The following RWDD1 variants were observed in gnomAD, a reference collection of about 807,000 sequenced individuals.
RWDD1 encodes RWD domain-containing protein 1.
RWDD1 carries 17 observed loss-of-function variants against 31.6 expected under a neutral mutation model. The ratio of observed to expected loss-of-function variants is 0.54; its 90% CI spans 0.37 to 0.81. The LOEUF is 0.81. Ranked by LOEUF, RWDD1 falls within the 30% of genes least tolerant of loss-of-function variation. The probability of loss-of-function intolerance (pLI) is 0.00; values close to 1 mark genes in which losing one functional copy is unlikely to be tolerated. For synonymous variants in RWDD1, 78 were observed against 94.2 expected (o/e 0.83, Z 0.99); for missense variants, 204 against 274.5 (o/e 0.74, Z 1.82).
At chr6:116,589,247 A>G (rs1011354031) in intron 4 of RWDD1, among the ~76,000 whole-genome samples, 1 of 152,204 alleles carries the variant, frequency 6.6e-6, no homozygotes, top group Non-Finnish European at 1.5e-5. Flanking sequence ...CACCTATGAT[A>G]TAGAGCCAGG....
Position 116,571,628 on chromosome 6 carries a change from G to A in RWDD1, c.46G>A (p.Glu16Lys), listed in dbSNP as rs779143527. The A allele has an allele frequency of 1.5e-5, 25 of 1,613,718 alleles. No individual in the cohort carries two copies. Among genetic ancestry groups the A allele is most frequent in the Non-Finnish European group, 2.1e-5 (25 of 1,179,922 alleles). The change falls in exon 1 of 7, where the codon GAG becomes AAG. Residue 16 changes from glutamate to lysine, a missense_variant. Glu to Lys is a moderately conservative substitution (Grantham distance 56). Transcript: ENST00000466444. ...EEQRNELEAL[E>K]SIYPDSFTVL... ...GCAGCGCAACGAGCTGGAGGCCCTG[G>A]AGTCCATCTACCCTGACTCCTTCAC...
intron 5 of RWDD1, among the ~76,000 whole-genome samples, 175 bp downstream of exon 5, chr6:116,590,579 T>G (rs527318834): frequency 3.2e-4 from 49 of 152,302 alleles, no homozygotes; most frequent in African/African-American, 1.2e-3. Context: ...TGTAATTAAT[T>G]TTTATGGCTT....
intron 1 of RWDD1, among the ~76,000 whole-genome samples, chr6:116,574,847 G>A (rs1024644475): frequency 6.8e-6 from 1 of 147,176 alleles, no homozygotes; most frequent in Admixed American, 6.9e-5. Context: ...CAGCTCACTG[G>A]AACCATGGAC....
intron 1 of RWDD1, among the ~76,000 whole-genome samples, chr6:116,578,532 C>T (rs777852993): frequency 6.6e-6 from 1 of 152,172 alleles, no homozygotes; most frequent in African/African-American, 2.4e-5. Flanking sequence ...GTTGGAATGT[C>T]ATTGGGCTGA....
At chr6:116,592,686 G>T (rs1478804400) in intron 6 of RWDD1, among the ~76,000 whole-genome samples, 2 of 152,120 alleles carry the variant, frequency 1.3e-5, no homozygotes. Context: ...ATAACCAGGA[G>T]AACATATTAT....
At position 116,596,218 on chromosome 6, in the gene RWDD1, TCA is replaced by T. The variant is rs1775236811; in HGVS notation, c.*3123_*3124del. 1.3e-5 allele frequency: 2 copies of T among 152,218 alleles called. No homozygotes were observed. Among genetic ancestry groups the T allele is most frequent in the Admixed American group, 6.5e-5 (1 of 15,282 alleles). 9.4% of individuals were successfully genotyped at this position (152,218 alleles called of 1,614,324 possible). A position where few individuals can be genotyped will look rare whatever the true frequency, so the allele number is the denominator to read the frequency against. On this transcript the variant is annotated 3_prime_UTR_variant, in exon 7 of 7. Coordinates refer to ENST00000466444, the MANE Select transcript of RWDD1 (RefSeq NM_015952.4). ...GTATGATTGTGTGTCAAAATGAGAG[TCA>T]CACACTTCAAGAACTGTAGGAACTA...
intron 2 of RWDD1, 114 bp from the exon 3 acceptor site, chr6:116,584,613 A>T: frequency 2.3e-6 from 2 of 879,466 alleles, no homozygotes; most frequent in Non-Finnish European, 3.6e-6. Flanking sequence ...CTGGTCTCTT[A>T]ATAACCTTTT....
At chr6:116,582,253 GT>G (rs35838384) in intron 2 of RWDD1, among the ~76,000 whole-genome samples, 14,006 of 140,348 alleles carry the variant, frequency 0.1, 1,147 homozygotes, top group African/African-American at 0.23. Flanking sequence ...AGTAGAATCA[GT>G]TTTTTTTTTT....
chr6:116,573,976 C>G, intron 1 of RWDD1: 2 of 983,506 alleles, frequency 2.0e-6, no homozygotes, highest in South Asian at 9.4e-5. Context: ...TGACTATTTG[C>G]AAAGAAGTTT....
intron 2 of RWDD1, among the ~76,000 whole-genome samples, chr6:116,580,990 T>G (rs1774938793): frequency 6.6e-6 from 1 of 152,136 alleles, no homozygotes; most frequent in Non-Finnish European, 1.5e-5. Context: ...TACACATTTT[T>G]TTACCCCCTT....
At position 116,583,003 on chromosome 6, in the gene RWDD1, G is replaced by A. The variant is rs189594542; in HGVS notation, c.140-1724G>A. ...ATTTTAAATATTTTTTAGAGACAAG[G>A]ATCTTACTCTGTTGCCCAGGCTAGA... On this transcript the variant is annotated intron_variant, in intron 2 of 6. Transcript: ENST00000466444. 3.4e-3 allele frequency among the ~76,000 whole-genome samples: 514 copies of A among 149,076 alleles called. 14 individuals are homozygous for A. Among genetic ancestry groups the A allele is most frequent in the Non-Finnish European group, 6.5e-4 (44 of 67,468 alleles).
intron 3 of RWDD1, among the ~76,000 whole-genome samples, chr6:116,585,991 C>G (rs1775033350): frequency 6.6e-6 from 1 of 151,992 alleles, no homozygotes; most frequent in South Asian, 2.1e-4. Context: ...TGCAGAGAAC[C>G]TGGGATGGTT....
intron 2 of RWDD1, among the ~76,000 whole-genome samples, chr6:116,581,662 A>G (rs1295318848): frequency 6.6e-6 from 1 of 152,088 alleles, no homozygotes; most frequent in Non-Finnish European, 1.5e-5. Flanking sequence ...ACGATCTCAC[A>G]GGTAATTAAA....
chr6:116,595,309 CA>C lies in RWDD1; in HGVS notation c.*2209del, dbSNP rs1775222837. 1 of 152,144 alleles carries C rather than the reference CA, an allele frequency of 6.6e-6. No homozygotes were observed. Among genetic ancestry groups the C allele is most frequent in the Admixed American group, 6.5e-5 (1 of 15,282 alleles). The allele number at this position is 152,144 out of a possible 1,614,324, so 9.4% of individuals were successfully genotyped here. A position where few individuals can be genotyped will look rare whatever the true frequency, so the allele number is the denominator to read the frequency against. ...CCTTTGCCATTTCAGAACCTAAAGG[CA>C]GAATCTAATGGTAAAATGAAGACAA... On this transcript the variant is annotated 3_prime_UTR_variant, in exon 7 of 7. Coordinates refer to ENST00000466444, the MANE Select transcript of RWDD1 (RefSeq NM_015952.4).
At chr6:116,581,287 T>G (rs1404610136) in intron 2 of RWDD1, among the ~76,000 whole-genome samples, 2 of 152,120 alleles carry the variant, frequency 1.3e-5, no homozygotes, top group African/African-American at 4.8e-5. Context: ...CCTTTGTAAA[T>G]AAGCCAGTGG....
chr6:116,594,916 T>C lies in RWDD1; in HGVS notation c.*1815T>C, dbSNP rs1340682885. ...GACCTTATAATCAAAAAGCAAATTA[T>C]TTAAGATAAAATTACCATTGAGGAG... On this transcript the variant is annotated 3_prime_UTR_variant, in exon 7 of 7. Coordinates refer to ENST00000466444, the MANE Select transcript of RWDD1 (RefSeq NM_015952.4). 6.6e-6 allele frequency: 1 copy of C among 152,246 alleles called. No homozygotes were observed. Among genetic ancestry groups the C allele is most frequent in the Non-Finnish European group, 1.5e-5 (1 of 68,044 alleles). 9.4% of individuals were successfully genotyped at this position (152,246 alleles called of 1,614,324 possible). A position where few individuals can be genotyped will look rare whatever the true frequency, so the allele number is the denominator to read the frequency against.
chr6:116,584,026 C>T (rs1774994065), intron 2 of RWDD1, among the ~76,000 whole-genome samples: 1 of 152,158 alleles, frequency 6.6e-6, no homozygotes, highest in South Asian at 2.1e-4. Flanking sequence ...AATAAAAAGT[C>T]TTAACAGAAA....
In RWDD1 at chr6:116,584,863, G is replaced by A. The variant is rs768448993; in HGVS notation, c.270+6G>A. The A allele has an allele frequency of 6.4e-7, 1 of 1,560,526 alleles. No individual in the cohort carries two copies. The highest frequency in any genetic ancestry group is 8.8e-7 in the Non-Finnish European group (1 of 1,134,454). ...TAAAATTACTAGCATTACAGGTAAGGAAATAATAATTTTATGTTTTGTAGC... is the reference window on the plus strand; with the variant it reads ...TAAAATTACTAGCATTACAGGTAAGAAAATAATAATTTTATGTTTTGTAGC... On this transcript the variant is annotated splice_donor_region_variant and intron_variant, in intron 3 of 6. Coordinates refer to ENST00000466444, the MANE Select transcript of RWDD1 (RefSeq NM_015952.4).
intron 1 of RWDD1, chr6:116,572,864 GTC>G: frequency 7.1e-6 from 7 of 985,452 alleles, no homozygotes; most frequent in Non-Finnish European, 8.4e-6. Flanking sequence ...ACAGGCAGAT[GTC>G]TCTCAGCTAT....
Sources: allele counts gnomAD v4.1 joint callset (sites outside exome capture counted in the v4.1 genomes callset), GRCh38; gene constraint gnomAD v4.1.1; transcripts MANE v1.5; gene names NCBI Gene and HGNC (gene_info 2026-07-23, HGNC 2026-07-21).